Variants in PDE1C observed in about 807,000 individuals in gnomAD.
PDE1C encodes the protein dual specificity calcium/calmodulin-dependent 3',5'-cyclic nucleotide phosphodiesterase 1C.
A neutral mutation model predicts 93.1 loss-of-function variants in PDE1C; 62 were observed. The ratio of observed to expected loss-of-function variants is 0.67; its 90% CI spans 0.54 to 0.82. The LOEUF (loss-of-function observed/expected upper bound fraction) is 0.82. Among genes scored for constraint, PDE1C ranks in the 40% least tolerant of loss-of-function variants. The pLI, the probability that PDE1C is intolerant of heterozygous loss-of-function variation, is 0.00. For missense variants in PDE1C, 742 were observed against 884.6 expected, an observed-to-expected ratio of 0.84 and a Z score of 2.04; for synonymous variants, 325 against 310.1, an observed-to-expected ratio of 1.05 and a Z score of -0.50.
At chr7:31,648,604 A>AC in the PDE1C span, among the ~76,000 whole-genome samples, 7 of 152,292 alleles carry the variant, frequency 4.6e-5, no homozygotes, top group African/African-American at 9.6e-5. Flanking sequence ...ACAAAAGGCT[A>AC]CCCCAAAATA....
chr7:31,829,078 G>A (rs1371294799), intron 11 of PDE1C, among the ~76,000 whole-genome samples: 2 of 152,080 alleles, frequency 1.3e-5, no homozygotes, highest in South Asian at 2.1e-4. Context: ...CTTAATACTT[G>A]TCATACCCCC....
intron 2 of PDE1C, among the ~76,000 whole-genome samples, chr7:31,980,591 T>C (rs1209796930): frequency 6.6e-6 from 1 of 152,220 alleles, no homozygotes; most frequent in Non-Finnish European, 1.5e-5. Flanking sequence ...ACCAACTTGC[T>C]TCCTGACTAT....
At chr7:32,150,587 C>T (rs1424031380) in intron 3 of PDE1C, among the ~76,000 whole-genome samples, 2 of 152,216 alleles carry the variant, frequency 1.3e-5, no homozygotes, top group Non-Finnish European at 2.9e-5. Flanking sequence ...GGATTAATCC[C>T]TTGGATTCTG....
intron 2 of PDE1C, among the ~76,000 whole-genome samples, chr7:31,923,814 AAAT>A (rs1393803195): frequency 6.6e-6 from 1 of 152,168 alleles, no homozygotes; most frequent in Non-Finnish European, 1.5e-5. Flanking sequence ...TTTCTAAATT[AAAT>A]AATAATAATA....
rs186042406 is a variant in PDE1C, at chr7:32,077,931, C to G, written c.308+91854G>C. 6.1e-6 allele frequency: 6 copies of G among 985,388 alleles called. No individual in the cohort carries two copies. In the Admixed American group the frequency reaches 2.5e-4, roughly 40 times the overall value. The allele number at this position is 985,388 out of a possible 1,614,324, so 61.0% of individuals were successfully genotyped here. On this transcript the variant is annotated intron_variant, in intron 3 of 18. Transcript: ENST00000396193. ...GTCTGCCAGCTTCCCTCCGGCTGGT[C>G]TGCTCTCCTCCAGCTAGTGGCAGGG...
the PDE1C span, among the ~76,000 whole-genome samples, chr7:31,664,579 G>A: frequency 0.021 from 3,260 of 152,250 alleles, 126 homozygotes; most frequent in African/African-American, 0.072. Context: ...TTATGATGAC[G>A]ACAATTAAGA....
At chr7:31,638,820 A>G in the PDE1C span, among the ~76,000 whole-genome samples, 1 of 152,150 alleles carries the variant, frequency 6.6e-6, no homozygotes, top group South Asian at 2.1e-4. Context: ...TCTGTCGCCC[A>G]GGCTGGAGTG....
chr7:32,095,424 A>G (rs972685859), intron 3 of PDE1C, among the ~76,000 whole-genome samples: 4 of 152,144 alleles, frequency 2.6e-5, no homozygotes, highest in African/African-American at 4.8e-5. Context: ...CTTCCAGACA[A>G]TGGCATTTGA....
At chr7:31,964,707 C>G (rs1350852084) in intron 2 of PDE1C, among the ~76,000 whole-genome samples, 1 of 152,188 alleles carries the variant, frequency 6.6e-6, no homozygotes, top group Non-Finnish European at 1.5e-5. Context: ...GGCAACCCCC[C>G]AATAGGGGTG....
At chr7:32,345,586 T>C (rs1377550739) in intron 1 of PDE1C, among the ~76,000 whole-genome samples, 1 of 152,084 alleles carries the variant, frequency 6.6e-6, no homozygotes, top group Admixed American at 6.5e-5. Flanking sequence ...TGGGAGAAAA[T>C]ATTTGCAAAA....
Position 31,961,964 on chromosome 7 carries a change from C to T in PDE1C, c.129-81104G>A, listed in dbSNP as rs1258784773. 2.0e-5 allele frequency among the ~76,000 whole-genome samples: 3 copies of T among 152,108 alleles called. No homozygotes were observed. The East Asian group carries it at 5.8e-4, about 29-fold the overall frequency. On this transcript the variant is annotated intron_variant, in intron 2 of 17. Coordinates refer to ENST00000396191, the MANE Select transcript of PDE1C (RefSeq NM_001191057.4). Reference sequence around the variant, plus strand: ...TAAGCCAGAGAGTTCAAATTTCCAGCCTCAAGACAAAACTTATAGCTAGTG... The same window carrying T: ...TAAGCCAGAGAGTTCAAATTTCCAGTCTCAAGACAAAACTTATAGCTAGTG...
At chr7:31,776,928 C>T (rs1201076382) in intron 16 of PDE1C, among the ~76,000 whole-genome samples, 6 of 135,858 alleles carry the variant, frequency 4.4e-5, no homozygotes, top group Non-Finnish European at 9.1e-5. Flanking sequence ...GGAAGCTGTG[C>T]TGATTGAGAA....
At chr7:31,694,014 T>A in the PDE1C span, among the ~76,000 whole-genome samples, 35 of 152,354 alleles carry the variant, frequency 2.3e-4, no homozygotes, top group South Asian at 6.2e-3. Flanking sequence ...TAGTTTCTTA[T>A]ACAAAATATA....
chr7:32,382,404 C>G (rs1345151954), intron 1 of PDE1C, among the ~76,000 whole-genome samples: 2 of 152,252 alleles, frequency 1.3e-5, no homozygotes, highest in East Asian at 1.9e-4. Flanking sequence ...TCTTGGCCCC[C>G]CTACCTTGTA....
intron 3 of PDE1C, among the ~76,000 whole-genome samples, chr7:32,107,094 T>A (rs1164132091): frequency 6.8e-6 from 1 of 147,390 alleles, no homozygotes; most frequent in Non-Finnish European, 1.5e-5. Flanking sequence ...AAGGAAAGAA[T>A]CAGTGAGCTC....
At chr7:32,169,865 G>A (rs368323356) in exon 3 of PDE1C, 2 of 1,612,560 alleles carry the variant, frequency 1.2e-6, no homozygotes, top group Non-Finnish European at 1.7e-6. Context: ...GGGGTCGAGG[G>A]TCATGGACAA....
At chr7:31,895,991 T>TTACATACATACATACATACATACATACA (rs6150057) in intron 2 of PDE1C, among the ~76,000 whole-genome samples, 22 of 148,596 alleles carry the variant, frequency 1.5e-4, no homozygotes, top group Middle Eastern at 6.8e-3. Flanking sequence ...ACACTCTCCC[T>TTACATACATACATACATACATACATACA]TACATACATA....
At chr7:32,355,529 G>C (rs537140787) in intron 1 of PDE1C, among the ~76,000 whole-genome samples, 25 of 85,118 alleles carry the variant, frequency 2.9e-4, no homozygotes, top group African/African-American at 9.0e-4. Context: ...ATCTTTCTCC[G>C]TTTCTGCTTC....
intron 3 of PDE1C, among the ~76,000 whole-genome samples, chr7:32,166,762 G>C (rs1802305965): frequency 6.6e-6 from 1 of 152,150 alleles, no homozygotes; most frequent in Non-Finnish European, 1.5e-5. Flanking sequence ...CCATACTTAG[G>C]GATGGCAGCC....
Sources: gnomAD v4.1 joint callset for allele counts (sites outside exome capture counted in the v4.1 genomes callset) on GRCh38, gnomAD v4.1.1 for gene constraint, MANE v1.5 for transcripts, NCBI Gene and HGNC (gene_info 2026-07-23, HGNC 2026-07-21) for gene names.